Variants in C9orf57 observed in about 807,000 individuals in gnomAD.
The protein encoded by C9orf57 is chromosome 9 open reading frame 57.
In C9orf57, 12 loss-of-function variants were observed where a neutral mutation model predicts 12.9. The ratio of observed to expected loss-of-function variants is 0.93; its 90% confidence interval spans 0.60 to 1.51. C9orf57 has a LOEUF of 1.51. Among genes scored for constraint, C9orf57 ranks in the 40% most tolerant of loss-of-function variants. The probability of loss-of-function intolerance (pLI) is 0.00; values close to 1 mark genes in which losing one functional copy is unlikely to be tolerated. For missense variants in C9orf57, 141 were observed against 162.8 expected (o/e 0.87, Z 0.73); for synonymous variants, 49 against 57.1 (o/e 0.86, Z 0.64).
chr9:72,056,404 A>C (rs1440039249), intron 3 of C9orf57, among the ~76,000 whole-genome samples: 4 of 151,002 alleles, frequency 2.6e-5, no homozygotes, highest in African/African-American at 9.7e-5. Context: ...ACAGGCATGC[A>C]ACTGGTGCAC....
Position 72,053,577 on chromosome 9 carries a change from A to G in C9orf57, c.281-1142T>C, listed in dbSNP as rs1301202576. 5.3e-5 allele frequency among the ~76,000 whole-genome samples: 8 copies of G among 152,190 alleles called. No homozygotes were observed. The East Asian group carries it at 1.5e-3, about 29-fold the overall frequency. ...CATCTCATGGGCCCAGGGAGTCTGG[A>G]TATGTTTCCCATTCCATAAAGAAGG... On this transcript the variant is annotated intron_variant, in intron 4 of 4. Transcript: ENST00000651200.
chr9:72,060,150 G>C (rs937203476), intron 1 of C9orf57, among the ~76,000 whole-genome samples: 1 of 152,090 alleles, frequency 6.6e-6, no homozygotes, highest in Non-Finnish European at 1.5e-5. Context: ...CGGTTCAAGC[G>C]ATTTTCCTGC....
At chr9:72,059,127 C>T in intron 2 of C9orf57, 108 bp downstream of exon 2, 1 of 1,413,414 alleles carries the variant, frequency 7.1e-7, no homozygotes, top group Non-Finnish European at 9.5e-7. Context: ...GATCCACCCG[C>T]CTCAGCCTCC....
At chr9:72,053,414 G>A (rs955879254) in intron 4 of C9orf57, among the ~76,000 whole-genome samples, 2 of 152,098 alleles carry the variant, frequency 1.3e-5, no homozygotes, top group African/African-American at 2.4e-5. Flanking sequence ...CCAGGCCTTC[G>A]ACCCATCAAG....
chr9:72,052,365 G>T lies in C9orf57; in HGVS notation c.351C>A (p.Val117=), dbSNP rs548137700. 778 of 1,552,014 alleles carry T rather than the reference G, an allele frequency of 5.0e-4. 2 individuals are homozygous for T. Among genetic ancestry groups the T allele is most frequent in the Non-Finnish European group, 6.3e-4 (719 of 1,147,018 alleles). The change falls in exon 5 of 5, where the codon GTC becomes GTA. Residue 117 remains valine, a synonymous_variant. Transcript: ENST00000651200. ...NTSECFKSTL[V]KRILQLHELV... is the part of the protein sequence containing the mutation. ...GTTCATGCAGTTGCAGAATTCTCTT[G>T]ACGAGAGTACTCTTGAAGCACTCTG...
At chr9:72,052,818 C>T (rs1465587550) in intron 4 of C9orf57, among the ~76,000 whole-genome samples, 2 of 152,192 alleles carry the variant, frequency 1.3e-5, no homozygotes, top group African/African-American at 4.8e-5. Context: ...ACAGAAGGAT[C>T]CTTTAGATGT....
In C9orf57 at chr9:72,056,205, A is replaced by G; in HGVS notation, c.158-9T>C. ...AATCAAACCTCCAACATCTCCAAGT[A>G]CAGGGGCAGAAAAATGAGAAAGTAG... On this transcript the variant is annotated splice_polypyrimidine_tract_variant and intron_variant, in intron 3 of 4. Coordinates refer to ENST00000651200, the MANE Select transcript of C9orf57 (RefSeq NM_001128618.2). 6.5e-7 allele frequency: 1 copy of G among 1,544,942 alleles called. No individual in the cohort carries two copies. The highest frequency in any genetic ancestry group is 1.7e-4 in the Middle Eastern group (1 of 5,964).
chr9:72,059,158 C>T (rs1430317163), intron 2 of C9orf57, 77 bp downstream of exon 2: 31 of 1,525,820 alleles, frequency 2.0e-5, no homozygotes, highest in East Asian at 1.2e-4. Context: ...GGATTACAGG[C>T]GTGAGCCGCC....
intron 4 of C9orf57, among the ~76,000 whole-genome samples, chr9:72,053,196 A>C (rs1570639): frequency 0.65 from 98,618 of 151,826 alleles, 32,442 homozygotes; most frequent in Non-Finnish European, 0.71. Flanking sequence ...TAGTGGGTAA[A>C]AGCTATGATG....
intron 4 of C9orf57, among the ~76,000 whole-genome samples, chr9:72,055,531 C>T (rs1033404620): frequency 1.3e-5 from 2 of 151,800 alleles, no homozygotes; most frequent in Non-Finnish European, 2.9e-5. Flanking sequence ...CTCGGGTGAT[C>T]CTCCCACCTG....
rs1052478516 is a variant in C9orf57 at position 72,056,210 on chromosome 9, G to A, written c.158-14C>T. ...AACCTCCAACATCTCCAAGTACAGGGGCAGAAAAATGAGAAAGTAGTGATA... is the reference window on the plus strand; with the variant it reads ...AACCTCCAACATCTCCAAGTACAGGAGCAGAAAAATGAGAAAGTAGTGATA... On this transcript the variant is annotated splice_polypyrimidine_tract_variant and intron_variant, in intron 3 of 4. Transcript: ENST00000651200. 2.6e-6 allele frequency: 4 copies of A among 1,541,084 alleles called. No individual in the cohort carries two copies. Among genetic ancestry groups the A allele is most frequent in the East Asian group, 4.9e-5 (2 of 40,838 alleles).
intron 2 of C9orf57, among the ~76,000 whole-genome samples, chr9:72,058,055 G>A (rs1220120276): frequency 2.0e-5 from 3 of 152,126 alleles, no homozygotes; most frequent in Non-Finnish European, 2.9e-5. Context: ...TGGAAGGTGG[G>A]GCTTGAGAAT....
chr9:72,055,267 G>A (rs1824165391), intron 4 of C9orf57, among the ~76,000 whole-genome samples: 2 of 151,654 alleles, frequency 1.3e-5, no homozygotes, highest in African/African-American at 4.8e-5. Flanking sequence ...AGCCTCCATT[G>A]TTTCCTGCCT....
intron 4 of C9orf57, 102 bp downstream of exon 4, chr9:72,055,972 T>C (rs938988396): frequency 9.5e-6 from 12 of 1,258,142 alleles, no homozygotes; most frequent in Middle Eastern, 2.8e-4. Flanking sequence ...AATGTAGCCC[T>C]GGCAAAGCCC....
chr9:72,052,150 G>T lies in C9orf57; in HGVS notation c.*146C>A. ...GATATTGGGAATATTGAAAACCAAAGTCAATTTCAGATCAAAATTCCTTCT... is the reference window on the plus strand; with the variant it reads ...GATATTGGGAATATTGAAAACCAAATTCAATTTCAGATCAAAATTCCTTCT... On this transcript the variant is annotated 3_prime_UTR_variant, in exon 5 of 5. Coordinates refer to ENST00000651200, the MANE Select transcript of C9orf57 (RefSeq NM_001128618.2). 1.2e-6 allele frequency: 1 copy of T among 860,458 alleles called. No homozygotes were observed. The highest frequency in any genetic ancestry group is 1.7e-6 in the Non-Finnish European group (1 of 582,988). 53.3% of individuals were successfully genotyped at this position (860,458 alleles called of 1,614,324 possible).
chr9:72,056,332 A>G, intron 3 of C9orf57, 136 bp from the exon 4 acceptor site: 1 of 351,956 alleles, frequency 2.8e-6, no homozygotes, highest in Non-Finnish European at 4.4e-6. Flanking sequence ...TATATATTTT[A>G]TGTTATATAT....
In C9orf57 at chr9:72,056,210, G is replaced by C. The variant is rs1052478516; in HGVS notation, c.158-14C>G. ...AACCTCCAACATCTCCAAGTACAGG[G>C]GCAGAAAAATGAGAAAGTAGTGATA... On this transcript the variant is annotated splice_polypyrimidine_tract_variant and intron_variant, in intron 3 of 4. Transcript: ENST00000651200. The C allele has an allele frequency of 1.3e-6, 2 of 1,541,184 alleles. No homozygotes were observed. Among genetic ancestry groups the C allele is most frequent in the South Asian group, 2.4e-5 (2 of 82,104 alleles).
In C9orf57 at chr9:72,052,146, C is replaced by T; in HGVS notation, c.*150G>A. The T allele has an allele frequency of 1.2e-6, 1 of 827,524 alleles. No individual in the cohort carries two copies. The highest frequency in any genetic ancestry group is 1.8e-6 in the Non-Finnish European group (1 of 556,956). The allele number at this position is 827,524 out of a possible 1,614,324, so 51.3% of individuals were successfully genotyped here. On this transcript the variant is annotated 3_prime_UTR_variant, in exon 5 of 5. Coordinates refer to ENST00000651200, the MANE Select transcript of C9orf57 (RefSeq NM_001128618.2). Reference sequence around the variant, plus strand: ...GGGAGATATTGGGAATATTGAAAACCAAAGTCAATTTCAGATCAAAATTCC... The same window carrying T: ...GGGAGATATTGGGAATATTGAAAACTAAAGTCAATTTCAGATCAAAATTCC...
chr9:72,052,423 C>T lies in C9orf57; in HGVS notation c.293G>A (p.Trp98Ter), dbSNP rs1270917177. 1.9e-6 allele frequency: 3 copies of T among 1,551,748 alleles called. No individual in the cohort carries two copies. The highest frequency in any genetic ancestry group is 8.7e-7 in the Non-Finnish European group (1 of 1,146,920). Residue 98 changes from tryptophan to a stop codon, truncating the protein, a stop_gained, in exon 5 of 5, where the codon TGG becomes TAG. Transcript: ENST00000651200. LOFTEE classifies it low-confidence loss of function (END_TRUNC). ...CTTTGTGCAGCCTTTGACTGAATAC[C>T]ATTGAATGCCACCTGACGGAGAGAA... Reference protein sequence around the residue: ...EEVHIQGGIQWYSVKGCTKNT... With the variant: ...EEVHIQGGIQ
Sources: allele counts gnomAD v4.1 joint callset (sites outside exome capture counted in the v4.1 genomes callset), GRCh38; gene constraint gnomAD v4.1.1; transcripts MANE v1.5; gene names NCBI Gene and HGNC (gene_info 2026-07-23, HGNC 2026-07-21).